Variants in C6orf163 observed in about 807,000 individuals in gnomAD.
The protein encoded by C6orf163 is chromosome 6 open reading frame 163.
Under a neutral mutation model 28.4 loss-of-function variants are expected in C6orf163, and 22 were observed. The observed-to-expected ratio is 0.78, with a 90% CI of 0.55 to 1.11. C6orf163 has a LOEUF of 1.11. Ranked by LOEUF, C6orf163 falls within the 50% of genes least tolerant of loss-of-function variation. The probability of loss-of-function intolerance (pLI) is 0.00; values close to 1 mark genes in which losing one functional copy is unlikely to be tolerated. For missense variants in C6orf163, 342 were observed against 389.1 expected, an observed-to-expected ratio of 0.88 and a Z score of 1.02; for synonymous variants, 110 against 123.6, an observed-to-expected ratio of 0.89 and a Z score of 0.73.
intron 3 of C6orf163, among the ~76,000 whole-genome samples, chr6:87,355,026 G>T (rs1356574379): frequency 6.6e-6 from 1 of 152,132 alleles, no homozygotes; most frequent in African/African-American, 2.4e-5. Flanking sequence ...TTCTGGGTAA[G>T]ATTTCATTTA....
chr6:87,362,601 A>G (rs751776912), intron 4 of C6orf163, among the ~76,000 whole-genome samples: 1 of 152,210 alleles, frequency 6.6e-6, no homozygotes, highest in African/African-American at 2.4e-5. Flanking sequence ...TACCCCTGTT[A>G]TTAATATTGG....
At chr6:87,352,634 T>C (rs1291322825) in intron 3 of C6orf163, among the ~76,000 whole-genome samples, 1 of 151,972 alleles carries the variant, frequency 6.6e-6, no homozygotes, top group Non-Finnish European at 1.5e-5. Context: ...AAAGGAAAAA[T>C]AAATGAAAAA....
intron 1 of C6orf163, chr6:87,347,216 G>A (rs148997140): frequency 1.8e-4 from 30 of 163,318 alleles, no homozygotes; most frequent in African/African-American, 7.2e-4. Context: ...AAGAATCATA[G>A]ATTATGTAAC....
intron 1 of C6orf163, chr6:87,348,296 T>A (rs1161641139): frequency 2.0e-6 from 2 of 985,252 alleles, no homozygotes; most frequent in Non-Finnish European, 2.4e-6. Context: ...TCAAATTAGA[T>A]CATTGACAGA....
intron 1 of C6orf163, among the ~76,000 whole-genome samples, chr6:87,346,621 G>A (rs1007481042): frequency 6.6e-6 from 1 of 152,124 alleles, no homozygotes; most frequent in African/African-American, 2.4e-5. Flanking sequence ...TGAAATGTCC[G>A]TAGAAGAGCT....
At chr6:87,345,408 C>T (rs147163509) in intron 1 of C6orf163, among the ~76,000 whole-genome samples, 161 bp downstream of exon 1, 4 of 152,142 alleles carry the variant, frequency 2.6e-5, no homozygotes, top group Non-Finnish European at 2.9e-5. Context: ...TCTCCACTTA[C>T]AGTTGTATGT....
In C6orf163 at chr6:87,362,551, C is replaced by T. The variant is rs117869908; in HGVS notation, c.555-2410C>T. Among the ~76,000 whole-genome samples the T allele has an allele frequency of 4.4e-4, 67 of 152,270 alleles. No homozygotes were observed. In the East Asian group the frequency reaches 0.013, roughly 28 times the overall value. On this transcript the variant is annotated intron_variant, in intron 4 of 4. Transcript: ENST00000388923. ...TGAGATATCGTGCATGTAAAATGCT[C>T]ACCACAGTTCCTGCAATACAGTAAG...
chr6:87,351,418 G>A (rs1441997618), intron 3 of C6orf163, among the ~76,000 whole-genome samples: 1 of 152,200 alleles, frequency 6.6e-6, no homozygotes, highest in East Asian at 1.9e-4. Context: ...TCTGTACCGG[G>A]TGAGATAAAA....
chr6:87,358,496 A>G (rs1453869388), intron 4 of C6orf163: 1 of 152,140 alleles, frequency 6.6e-6, no homozygotes, highest in Non-Finnish European at 1.5e-5. Context: ...AGTCTCAGCT[A>G]CTCGGGAGAC....
At chr6:87,346,903 T>C (rs1777333167) in intron 1 of C6orf163, among the ~76,000 whole-genome samples, 2 of 152,226 alleles carry the variant, frequency 1.3e-5, no homozygotes, top group Admixed American at 6.5e-5. Context: ...CCAGCTTCCA[T>C]TGATATCTTA....
chr6:87,350,569 G>A, intron 3 of C6orf163, 68 bp downstream of exon 3: 2 of 891,266 alleles, frequency 2.2e-6, no homozygotes, highest in Admixed American at 2.7e-5. Flanking sequence ...AGTTGGCAAG[G>A]GAATGAGAAA....
At chr6:87,345,525 A>G (rs1467072333) in intron 1 of C6orf163, among the ~76,000 whole-genome samples, 3 of 152,192 alleles carry the variant, frequency 2.0e-5, no homozygotes, top group South Asian at 2.1e-4. Context: ...ATTTGTATCT[A>G]TTATAAATCC....
In C6orf163 at chr6:87,348,932, A is replaced by T. The variant is rs773866684; in HGVS notation, c.243+26A>T. On this transcript the variant is annotated intron_variant, in intron 2 of 4. Coordinates refer to ENST00000388923, the MANE Select transcript of C6orf163 (RefSeq NM_001010868.3). ...GTAAAAGAAGTTACATGTCAACCTA[A>T]AGTCCATCTTTACCGTTCTTTCACA... 7 of 1,535,640 alleles carry T rather than the reference A, an allele frequency of 4.6e-6. No homozygotes were observed. The African/African-American group carries it at 9.6e-5, about 21-fold the overall frequency.
intron 4 of C6orf163, chr6:87,356,788 T>C: frequency 3.1e-6 from 1 of 321,790 alleles, no homozygotes; most frequent in Non-Finnish European, 5.8e-6. Context: ...CATATCTTCT[T>C]CTTGTCCCTG....
chr6:87,353,377 C>T (rs905452964), intron 3 of C6orf163, among the ~76,000 whole-genome samples: 1 of 151,732 alleles, frequency 6.6e-6, no homozygotes, highest in Admixed American at 6.6e-5. Context: ...TCCATTTACC[C>T]TTGTGTGATT....
Position 87,365,032 on chromosome 6 carries a change from T to G in C6orf163, c.626T>G (p.Leu209Arg), listed in dbSNP as rs1777625760. Residue 209 changes from leucine to arginine, a missense_variant, in exon 5 of 5, where the codon CTG (leucine) becomes CGG (arginine). Physicochemically the swap from Leu to Arg is moderately radical, Grantham distance 102. Transcript: ENST00000388923. ...IKDEKTSVAR[L>R]MREKEHEMSI... ...GATGAGAAGACCAGTGTGGCCCGACTGATGAGGGAAAAAGAACATGAAATG... is the reference window on the plus strand; with the variant it reads ...GATGAGAAGACCAGTGTGGCCCGACGGATGAGGGAAAAAGAACATGAAATG... The G allele has an allele frequency of 1.9e-6, 3 of 1,551,662 alleles. No individual in the cohort carries two copies.
At chr6:87,345,278 A>G (rs530900353) in intron 1 of C6orf163, 31 bp downstream of exon 1, 2 of 1,497,804 alleles carry the variant, frequency 1.3e-6, no homozygotes, top group African/African-American at 2.8e-5. Context: ...CCTTTGTTCT[A>G]ATGCTTCATA....
In C6orf163 at chr6:87,345,147, TAATAA is replaced by T. The variant is rs1375123837; in HGVS notation, c.54_58del (p.Lys18AsnfsTer15). The T allele has an allele frequency of 6.5e-7, 1 of 1,536,368 alleles. No homozygotes were observed. The highest frequency in any genetic ancestry group is 1.2e-5 in the South Asian group (1 of 83,778). On this transcript the variant is annotated frameshift_variant, in exon 1 of 5. Transcript: ENST00000388923. LOFTEE classifies it high-confidence loss of function. ...AAAACTTTGTTTGCTGTGCTGTTTG[TAATAA>T]AATAATTCCACCAGCCCCTTTTGGA...
chr6:87,352,897 A>T (rs150605096), intron 3 of C6orf163, among the ~76,000 whole-genome samples: 2 of 152,300 alleles, frequency 1.3e-5, no homozygotes, highest in African/African-American at 4.8e-5. Context: ...ATGCCTGTCA[A>T]ACATCTGTAC....
Sources: allele counts gnomAD v4.1 joint callset (sites outside exome capture counted in the v4.1 genomes callset), GRCh38; gene constraint gnomAD v4.1.1; transcripts MANE v1.5; gene names NCBI Gene and HGNC (gene_info 2026-07-23, HGNC 2026-07-21).